Variants in LDLRAD4 observed in about 807,000 individuals in gnomAD.
LDLRAD4 encodes the protein low-density lipoprotein receptor class A domain-containing protein 4.
A neutral mutation model predicts 17.0 loss-of-function variants in LDLRAD4; 5 were observed. The ratio of observed to expected loss-of-function variants is 0.29; its 90% CI spans 0.15 to 0.62. The LOEUF is 0.62. LDLRAD4 is among the 20% of genes least tolerant of loss of function. LDLRAD4 has a pLI of 0.84. For missense variants in LDLRAD4, 340 were observed against 424.7 expected (o/e 0.80, Z 1.75); for synonymous variants, 168 against 171.8 (o/e 0.98, Z 0.17).
chr18:13,567,010 G>A (rs1439891914), intron 3 of LDLRAD4, among the ~76,000 whole-genome samples: 3 of 152,240 alleles, frequency 2.0e-5, no homozygotes, highest in Admixed American at 6.5e-5. Context: ...GAGTCACACA[G>A]CGTGTGTGAA....
intron 3 of LDLRAD4, chr18:13,614,554 C>T (rs1296317127): frequency 1.3e-5 from 2 of 152,138 alleles, no homozygotes; most frequent in African/African-American, 2.4e-5. Context: ...TGTTTTGCTT[C>T]TGTACTTCAA....
At position 13,567,229 on chromosome 18, in the gene LDLRAD4, G is replaced by A. The variant is rs113832047; in HGVS notation, c.182-53888G>A. Among the ~76,000 whole-genome samples, 641 of 152,334 alleles carry A rather than the reference G, an allele frequency of 4.2e-3. 9 individuals are homozygous for A. The highest frequency in any genetic ancestry group is 0.015 in the African/African-American group (612 of 41,564). ...GTGGGTACCCTAAGAGTCCAGGGGC[G>A]CTGCTAAGAAAGACAAATACACACA... On this transcript the variant is annotated intron_variant, in intron 3 of 5. Coordinates refer to ENST00000359446, the Ensembl canonical transcript of LDLRAD4.
intron 2 of LDLRAD4, among the ~76,000 whole-genome samples, chr18:13,407,611 G>T (rs1316545916): frequency 6.6e-6 from 1 of 152,258 alleles, no homozygotes; most frequent in Non-Finnish European, 1.5e-5. Context: ...AGTGCATCTT[G>T]TCCAGGGTTT....
At chr18:13,576,606 G>A (rs1302172961) in intron 3 of LDLRAD4, among the ~76,000 whole-genome samples, 1 of 152,202 alleles carries the variant, frequency 6.6e-6, no homozygotes, top group African/African-American at 2.4e-5. Flanking sequence ...GGTGGGTGCT[G>A]TCCGGGGTCA....
At chr18:13,444,962 C>G (rs780262498) in intron 3 of LDLRAD4, among the ~76,000 whole-genome samples, 8 of 152,232 alleles carry the variant, frequency 5.3e-5, no homozygotes, top group Non-Finnish European at 1.2e-4. Flanking sequence ...TGCCCACAAA[C>G]TGCCTGTCCT....
At chr18:13,369,147 A>C (rs1303120597) in intron 1 of LDLRAD4, among the ~76,000 whole-genome samples, 2 of 152,224 alleles carry the variant, frequency 1.3e-5, no homozygotes, top group African/African-American at 4.8e-5. Flanking sequence ...CCCCAGGCTG[A>C]GGCCGGGCTC....
chr18:13,329,263 A>G (rs2081712507), intron 1 of LDLRAD4, among the ~76,000 whole-genome samples: 1 of 152,214 alleles, frequency 6.6e-6, no homozygotes. Context: ...ACCAGTTCAC[A>G]CAATCATCAG....
intron 3 of LDLRAD4, among the ~76,000 whole-genome samples, chr18:13,564,359 T>C (rs1383599628): frequency 6.6e-6 from 1 of 151,662 alleles, no homozygotes; most frequent in Non-Finnish European, 1.5e-5. Flanking sequence ...AAAGGTAAAT[T>C]GCACATCTCT....
chr18:13,232,703 C>T (rs987397860), intron 1 of LDLRAD4, among the ~76,000 whole-genome samples: 2 of 152,210 alleles, frequency 1.3e-5, no homozygotes, highest in Non-Finnish European at 2.9e-5. Flanking sequence ...CCCCTGCTTG[C>T]GTTCCAAGTG....
chr18:13,531,991 C>G (rs989284197), intron 3 of LDLRAD4, among the ~76,000 whole-genome samples: 1 of 152,148 alleles, frequency 6.6e-6, no homozygotes, highest in Non-Finnish European at 1.5e-5. Flanking sequence ...ACTGACCCCC[C>G]ACCACCCCCA....
Position 13,586,280 on chromosome 18 carries a change from C to T in LDLRAD4, c.182-34837C>T, listed in dbSNP as rs556374754. Among the ~76,000 whole-genome samples the T allele has an allele frequency of 1.8e-3, 276 of 151,212 alleles. 1 individual carries two copies. The highest frequency in any genetic ancestry group is 6.5e-3 in the African/African-American group (267 of 41,078). On this transcript the variant is annotated intron_variant, in intron 3 of 5. Coordinates refer to ENST00000359446, the Ensembl canonical transcript of LDLRAD4. ...AAAATTAGCCGGGCGTGGTGGCAGGCGTCTGTAATCCCAGCTACTGGGAGG... is the reference window on the plus strand; with the variant it reads ...AAAATTAGCCGGGCGTGGTGGCAGGTGTCTGTAATCCCAGCTACTGGGAGG...
chr18:13,289,683 CCA>C lies in LDLRAD4; in HGVS notation c.-383+11498_-383+11499del, dbSNP rs531234073. On this transcript the variant is annotated intron_variant, in intron 1 of 5. Coordinates refer to ENST00000359446, the Ensembl canonical transcript of LDLRAD4. ...TGGGGCCGTCTGTCTCTATGCTCAGCCACAGACCCAGCTGTGTCCAGTCCTGA... is the reference window on the plus strand; with the variant it reads ...TGGGGCCGTCTGTCTCTATGCTCAGCCAGACCCAGCTGTGTCCAGTCCTGA... 3.6e-3 allele frequency among the ~76,000 whole-genome samples: 541 copies of C among 152,324 alleles called. 2 individuals are homozygous for C. The highest frequency in any genetic ancestry group is 0.012 in the African/African-American group (517 of 41,568).
At chr18:13,336,974 C>G (rs1327526167) in intron 1 of LDLRAD4, among the ~76,000 whole-genome samples, 1 of 152,028 alleles carries the variant, frequency 6.6e-6, no homozygotes, top group Non-Finnish European at 1.5e-5. Flanking sequence ...TTCCAATTCC[C>G]TTTTTATTAC....
chr18:13,369,567 G>A (rs986276681), intron 1 of LDLRAD4, among the ~76,000 whole-genome samples: 12 of 152,092 alleles, frequency 7.9e-5, no homozygotes, highest in Non-Finnish European at 1.5e-4. Flanking sequence ...TGTTCGGACC[G>A]TGAGAAGACA....
At chr18:13,479,657 G>T (rs1450439587) in intron 3 of LDLRAD4, among the ~76,000 whole-genome samples, 1 of 146,556 alleles carries the variant, frequency 6.8e-6, no homozygotes, top group East Asian at 2.1e-4. Flanking sequence ...AAAAGCCACA[G>T]ACTAGAGGAA....
At chr18:13,642,556 A>G in intron 4 of LDLRAD4, 1 of 1,228,372 alleles carries the variant, frequency 8.1e-7, no homozygotes, top group Non-Finnish European at 1.0e-6. Context: ...ACTGGAGAAG[A>G]CACTCGCTGG....
chr18:13,395,742 G>A (rs1320945082), intron 2 of LDLRAD4, among the ~76,000 whole-genome samples: 4 of 140,616 alleles, frequency 2.8e-5, no homozygotes, highest in Non-Finnish European at 4.7e-5. Flanking sequence ...GGAAGTTGGC[G>A]TGGGGTGGGG....
intron 3 of LDLRAD4, among the ~76,000 whole-genome samples, chr18:13,484,626 A>G (rs1247887550): frequency 6.6e-6 from 1 of 152,182 alleles, no homozygotes; most frequent in Non-Finnish European, 1.5e-5. Context: ...CCTGTCTCAA[A>G]AAACAAGACC....
chr18:13,479,973 C>CG (rs745365629), intron 3 of LDLRAD4, among the ~76,000 whole-genome samples: 47 of 152,136 alleles, frequency 3.1e-4, no homozygotes, highest in Non-Finnish European at 5.1e-4. Context: ...TCATCTATGG[C>CG]GGGGGGCAGC....
Sources: gnomAD v4.1 joint callset for allele counts (sites outside exome capture counted in the v4.1 genomes callset) on GRCh38, gnomAD v4.1.1 for gene constraint, MANE v1.5 for transcripts, NCBI Gene and HGNC (gene_info 2026-07-23, HGNC 2026-07-21) for gene names.